The following ADAMTS6 variants were observed in gnomAD, a reference collection of about 807,000 sequenced individuals.
The protein encoded by ADAMTS6 is ADAM metallopeptidase with thrombospondin type 1 motif 6.
A neutral mutation model predicts 144.3 loss-of-function variants in ADAMTS6; 23 were observed. The ratio of observed to expected loss-of-function variants is 0.16; its 90% CI spans 0.11 to 0.23. The LOEUF is 0.23. ADAMTS6 is among the 10% of genes least tolerant of loss of function. The pLI, the probability that ADAMTS6 is intolerant of heterozygous loss-of-function variation, is 1.00. For missense variants in ADAMTS6, 999 were observed against 1,379.6 expected (o/e 0.72, Z 4.37); for synonymous variants, 444 against 457.5 (o/e 0.97, Z 0.38).
At chr5:65,379,851 A>C (rs1427050566) in intron 7 of ADAMTS6, among the ~76,000 whole-genome samples, 5 of 151,996 alleles carry the variant, frequency 3.3e-5, no homozygotes, top group Non-Finnish European at 7.4e-5. Context: ...TATATAAATA[A>C]TTATATATGG....
chr5:65,191,052 A>G (rs771140873), intron 21 of ADAMTS6, among the ~76,000 whole-genome samples: 42 of 152,238 alleles, frequency 2.8e-4, no homozygotes, highest in Non-Finnish European at 4.7e-4. Flanking sequence ...TGGCAAAAAC[A>G]TGAATACAGA....
At chr5:65,461,625 G>A (rs952073834) in intron 3 of ADAMTS6, among the ~76,000 whole-genome samples, 1 of 152,146 alleles carries the variant, frequency 6.6e-6, no homozygotes, top group Non-Finnish European at 1.5e-5. Flanking sequence ...AAATGAAAGA[G>A]TTGGTCTAAA....
intron 3 of ADAMTS6, among the ~76,000 whole-genome samples, chr5:65,463,510 GCT>G (rs1460869412): frequency 6.6e-6 from 1 of 152,112 alleles, no homozygotes. Flanking sequence ...CAAAAGCCTT[GCT>G]CTCACTTACC....
chr5:65,220,604 G>A (rs572414559), intron 18 of ADAMTS6, among the ~76,000 whole-genome samples: 12 of 152,186 alleles, frequency 7.9e-5, no homozygotes, highest in South Asian at 4.1e-4. Flanking sequence ...AAAATTAGCC[G>A]GGCGTCAACG....
chr5:65,371,746 A>G (rs1459956226), intron 7 of ADAMTS6, among the ~76,000 whole-genome samples: 3 of 152,158 alleles, frequency 2.0e-5, no homozygotes, highest in East Asian at 1.9e-4. Context: ...GCAGGCCAAC[A>G]TTCAGATGCA....
intron 11 of ADAMTS6, among the ~76,000 whole-genome samples, chr5:65,274,959 C>T (rs928905664): frequency 6.6e-6 from 1 of 152,106 alleles, no homozygotes; most frequent in African/African-American, 2.4e-5. Flanking sequence ...GCTGAGATTA[C>T]AGGCGTGAGC....
At chr5:65,471,279 A>G (rs922278004) in intron 2 of ADAMTS6, 137 bp from the exon 3 acceptor site, 3 of 817,024 alleles carry the variant, frequency 3.7e-6, no homozygotes, top group Admixed American at 8.3e-5. Flanking sequence ...GGTATGTACA[A>G]AAAAAGTTAT....
chr5:65,171,103 G>A (rs911154951), intron 23 of ADAMTS6, among the ~76,000 whole-genome samples: 2 of 151,702 alleles, frequency 1.3e-5, no homozygotes, highest in South Asian at 2.1e-4. Flanking sequence ...TCTGCCTCCC[G>A]GGTTCACACC....
intron 3 of ADAMTS6, among the ~76,000 whole-genome samples, chr5:65,461,846 C>T (rs1275004986): frequency 6.6e-6 from 1 of 152,164 alleles, no homozygotes; most frequent in Non-Finnish European, 1.5e-5. Context: ...AAGCTGAAAA[C>T]CTCTAGTCCA....
chr5:65,352,537 G>A (rs1188019173), intron 7 of ADAMTS6, among the ~76,000 whole-genome samples: 1 of 151,844 alleles, frequency 6.6e-6, no homozygotes, highest in Non-Finnish European at 1.5e-5. Context: ...TTTTAACAAA[G>A]AAAAATCCTG....
intron 14 of ADAMTS6, among the ~76,000 whole-genome samples, chr5:65,253,579 G>A (rs564851402): frequency 6.6e-6 from 1 of 152,180 alleles, no homozygotes; most frequent in African/African-American, 2.4e-5. Flanking sequence ...ACTAAGGCAG[G>A]AAGCTGGTTT....
chr5:65,179,647 A>G (rs187768186), intron 22 of ADAMTS6, among the ~76,000 whole-genome samples: 1 of 152,282 alleles, frequency 6.6e-6, no homozygotes, highest in African/African-American at 2.4e-5. Context: ...CATTTAGGCT[A>G]CTTGGATAAA....
At chr5:65,243,108 T>C (rs1383199901) in intron 14 of ADAMTS6, among the ~76,000 whole-genome samples, 1 of 152,094 alleles carries the variant, frequency 6.6e-6, no homozygotes, top group Non-Finnish European at 1.5e-5. Context: ...TCAACAGCTG[T>C]AGTACTTAAA....
At chr5:65,250,186 T>C (rs754371110) in intron 14 of ADAMTS6, among the ~76,000 whole-genome samples, 2 of 152,254 alleles carry the variant, frequency 1.3e-5, no homozygotes, top group African/African-American at 2.4e-5. Context: ...TAGCACTAGA[T>C]GTTTTATGTA....
intron 7 of ADAMTS6, among the ~76,000 whole-genome samples, chr5:65,405,015 G>C: frequency 6.6e-6 from 1 of 152,132 alleles, no homozygotes; most frequent in South Asian, 2.1e-4. Flanking sequence ...TTGTAAATTT[G>C]TTTGAGTTCA....
At chr5:65,223,989 A>G (rs1322433800) in intron 18 of ADAMTS6, among the ~76,000 whole-genome samples, 1 of 151,852 alleles carries the variant, frequency 6.6e-6, no homozygotes, top group Non-Finnish European at 1.5e-5. Flanking sequence ...TTTATTAGAG[A>G]TGGGGTTTCA....
intron 4 of ADAMTS6, among the ~76,000 whole-genome samples, chr5:65,453,650 A>G (rs1329619662): frequency 6.6e-6 from 1 of 152,176 alleles, no homozygotes; most frequent in South Asian, 2.1e-4. Flanking sequence ...TCAGTATAGA[A>G]GCAGCCTTTT....
chr5:65,349,592 C>T (rs958969735), intron 7 of ADAMTS6, among the ~76,000 whole-genome samples: 4 of 152,062 alleles, frequency 2.6e-5, no homozygotes, highest in Non-Finnish European at 4.4e-5. Flanking sequence ...TGGTGGCTCA[C>T]ACTTGTAATC....
intron 9 of ADAMTS6, among the ~76,000 whole-genome samples, chr5:65,309,591 TACACACACACAC>T (rs149843490): frequency 3.4e-5 from 5 of 147,202 alleles, no homozygotes; most frequent in Non-Finnish European, 7.6e-5. Flanking sequence ...CCTGTTATAA[TACACACACACAC>T]ACACACACAC....
Sources: allele counts gnomAD v4.1 joint callset (sites outside exome capture counted in the v4.1 genomes callset), GRCh38; gene constraint gnomAD v4.1.1; transcripts MANE v1.5; gene names NCBI Gene and HGNC (gene_info 2026-07-23, HGNC 2026-07-21).